The following PEX14 variants were observed in gnomAD, a reference collection of about 807,000 sequenced individuals.
PEX14 encodes peroxisomal membrane protein PEX14.
In PEX14, 15 loss-of-function variants were observed where a neutral mutation model predicts 49.5. The observed-to-expected ratio is 0.30, with a 90% CI of 0.20 to 0.47. The LOEUF (loss-of-function observed/expected upper bound fraction) is 0.47. PEX14 is among the 20% of genes least tolerant of loss of function. The pLI is 1.00. For missense variants in PEX14, 398 were observed against 494.8 expected (o/e 0.80, Z 1.86); for synonymous variants, 210 against 212.7 (o/e 0.99, Z 0.11).
chr1:10,518,487 T>C (rs780412646), intron 2 of PEX14, among the ~76,000 whole-genome samples: 1 of 152,138 alleles, frequency 6.6e-6, no homozygotes, highest in Non-Finnish European at 1.5e-5. Context: ...AAATAAAATA[T>C]AAAGGCCAGT....
At chr1:10,621,399 T>C (rs1641589474) in intron 5 of PEX14, among the ~76,000 whole-genome samples, 2 of 147,070 alleles carry the variant, frequency 1.4e-5, no homozygotes, top group African/African-American at 5.1e-5. Flanking sequence ...CGGGCTGGAG[T>C]GCAGTGGCAT....
intron 3 of PEX14, among the ~76,000 whole-genome samples, chr1:10,543,218 T>G (rs1032628406): frequency 1.3e-5 from 2 of 152,234 alleles, no homozygotes; most frequent in African/African-American, 2.4e-5. Flanking sequence ...CACTGCAGCT[T>G]CTGCTTCCCA....
At chr1:10,558,753 A>AG (rs1173241958) in intron 3 of PEX14, among the ~76,000 whole-genome samples, 3 of 151,580 alleles carry the variant, frequency 2.0e-5, no homozygotes, top group Admixed American at 1.3e-4. Flanking sequence ...AAAAAAAAAA[A>AG]AAAGAAAGAA....
intron 3 of PEX14, among the ~76,000 whole-genome samples, chr1:10,595,465 G>GT (rs1462466432): frequency 2.0e-5 from 3 of 152,140 alleles, no homozygotes; most frequent in Admixed American, 2.0e-4. Context: ...GTGGCTGGGG[G>GT]TTGGGAGCTG....
intron 2 of PEX14, among the ~76,000 whole-genome samples, chr1:10,530,419 C>A (rs544769662): frequency 3.5e-4 from 54 of 152,368 alleles, no homozygotes; most frequent in African/African-American, 1.3e-3. Context: ...GCGGAGCGGC[C>A]GCCCCGGCCT....
chr1:10,572,253 T>G (rs1639998693), intron 3 of PEX14, among the ~76,000 whole-genome samples: 1 of 152,200 alleles, frequency 6.6e-6, no homozygotes, highest in Non-Finnish European at 1.5e-5. Context: ...ATGCCAGTAC[T>G]CCAAAAGATT....
chr1:10,545,186 G>C (rs1639132783), intron 3 of PEX14, among the ~76,000 whole-genome samples: 1 of 152,064 alleles, frequency 6.6e-6, no homozygotes, highest in South Asian at 2.1e-4. Context: ...TATACTAGTG[G>C]TTCATTCCTT....
chr1:10,515,736 G>T (rs901924762), intron 2 of PEX14, among the ~76,000 whole-genome samples: 2 of 152,138 alleles, frequency 1.3e-5, no homozygotes, highest in Non-Finnish European at 2.9e-5. Flanking sequence ...ACCCGGCTCT[G>T]GCTGCTTGTC....
rs1201338189 is a variant in PEX14 at position 10,629,933 on chromosome 1, G to C, written c.1080G>C (p.Gln360His). ...RRGGDGQINE[Q>H]VEKLRRPEGA... is the part of the protein sequence containing the mutation. ...GCGGGGATGGGCAGATCAACGAGCA[G>C]GTGGAGAAGCTGCGGCGGCCCGAGG... The change falls in exon 9 of 9, where the codon CAG (glutamine) becomes CAC (histidine). Residue 360 changes from glutamine to histidine, a missense_variant. Gln to His is a conservative substitution (Grantham distance 24, BLOSUM62 0). Transcript: ENST00000356607. The surrounding 1 kb of genome is among the most constrained non-coding windows in gnomAD (Gnocchi z 8.5). 7 of 1,612,924 alleles carry C rather than the reference G, an allele frequency of 4.3e-6. No homozygotes were observed. Among genetic ancestry groups the C allele is most frequent in the Non-Finnish European group, 5.9e-6 (7 of 1,179,850 alleles).
intron 1 of PEX14, 122 bp downstream of exon 1, chr1:10,475,124 C>A: frequency 1.1e-6 from 1 of 922,278 alleles, no homozygotes; most frequent in Admixed American, 2.0e-5. Context: ...CGACCTCTTG[C>A]CCCCTCCTGA....
chr1:10,544,760 T>C lies in PEX14; in HGVS notation c.169+8463T>C, dbSNP rs1570242757. ...GCTATCACTATAGATTAGCCTTTTT[T>C]TTTTTCTTTTTCTTTTTCTGAGACA... On this transcript the variant is annotated intron_variant, in intron 3 of 8. Coordinates refer to ENST00000356607, the MANE Select transcript of PEX14 (RefSeq NM_004565.3). Among the ~76,000 whole-genome samples, 5 of 152,040 alleles carry C rather than the reference T, an allele frequency of 3.3e-5. No individual in the cohort carries two copies. The South Asian group carries it at 1.0e-3, about 32-fold the overall frequency.
At chr1:10,598,012 G>A (rs143381460) in intron 3 of PEX14, among the ~76,000 whole-genome samples, 96 of 152,326 alleles carry the variant, frequency 6.3e-4, no homozygotes, top group African/African-American at 2.2e-3. Context: ...TGAAGATGCT[G>A]ATCCTCAGAA....
intron 3 of PEX14, among the ~76,000 whole-genome samples, chr1:10,547,684 C>T (rs1328549261): frequency 1.3e-5 from 2 of 152,120 alleles, no homozygotes; most frequent in African/African-American, 4.8e-5. Context: ...AATGGACTCA[C>T]CACCTCTCCC....
intron 1 of PEX14, among the ~76,000 whole-genome samples, chr1:10,491,390 T>A (rs923233095): frequency 4.6e-5 from 7 of 152,104 alleles, no homozygotes; most frequent in Non-Finnish European, 8.8e-5. Context: ...GCACCCTTTT[T>A]TTCTTTTTGA....
At chr1:10,606,926 G>C (rs901584109) in intron 4 of PEX14, among the ~76,000 whole-genome samples, 7 of 152,086 alleles carry the variant, frequency 4.6e-5, no homozygotes, top group African/African-American at 1.7e-4. Flanking sequence ...TGTACAATTT[G>C]AGTTTTGATA....
intron 2 of PEX14, among the ~76,000 whole-genome samples, chr1:10,498,668 AGAG>A (rs1351747246): frequency 1.3e-5 from 2 of 152,242 alleles, no homozygotes; most frequent in African/African-American, 4.8e-5. Context: ...TGACCGTCTC[AGAG>A]GAGTATTGCT....
At position 10,539,734 on chromosome 1, in the gene PEX14, A is replaced by G. The variant is rs565331762; in HGVS notation, c.169+3437A>G. ...GTTAGAGGCTTGGAAATTGTCGTCA[A>G]TAGGCTTGTGTTGATTTGACACCCT... On this transcript the variant is annotated intron_variant, in intron 3 of 8. Coordinates refer to ENST00000356607, the MANE Select transcript of PEX14 (RefSeq NM_004565.3). The surrounding 1 kb of genome is among the most constrained non-coding windows in gnomAD (Gnocchi z 4.6). 1.7e-4 allele frequency among the ~76,000 whole-genome samples: 26 copies of G among 152,180 alleles called. No homozygotes were observed. Among genetic ancestry groups the G allele is most frequent in the South Asian group, 1.0e-3 (5 of 4,806 alleles).
chr1:10,533,332 G>A (rs1351172612), intron 2 of PEX14, among the ~76,000 whole-genome samples: 1 of 152,094 alleles, frequency 6.6e-6, no homozygotes, highest in African/African-American at 2.4e-5. Context: ...TTATGTAGGT[G>A]TTTGGCAGTA....
intron 7 of PEX14, among the ~76,000 whole-genome samples, chr1:10,625,184 C>G (rs1051611554): frequency 2.0e-5 from 3 of 152,198 alleles, no homozygotes; most frequent in African/African-American, 7.2e-5. Context: ...CCAGCCAGCT[C>G]GCAGGATTGC....
Sources: allele counts gnomAD v4.1 joint callset (sites outside exome capture counted in the v4.1 genomes callset), GRCh38; gene constraint gnomAD v4.1.1; non-coding constraint Gnocchi (gnomAD v3.1); transcripts MANE v1.5; gene names NCBI Gene and HGNC (gene_info 2026-07-23, HGNC 2026-07-21).